The following METTL13 variants were observed in gnomAD, a reference collection of about 807,000 sequenced individuals.
METTL13 encodes the protein methyltransferase 13, eEF1A N-terminus and K55.
A neutral mutation model predicts 67.4 loss-of-function variants in METTL13; 52 were observed. That is an observed-to-expected ratio of 0.77 (90% confidence interval 0.62 to 0.97). METTL13 has a LOEUF of 0.97. Among genes scored for constraint, METTL13 ranks in the 50% least tolerant of loss-of-function variants. METTL13 has a pLI of 0.00. For missense variants in METTL13, 825 were observed against 889.6 expected (o/e 0.93, Z 0.92); for synonymous variants, 354 against 353.6 (o/e 1.00, Z -0.01).
rs555556562 is a variant in METTL13 at position 171,783,806 on chromosome 1, A to G, written c.220A>G (p.Ile74Val). 8 of 1,614,080 alleles carry G rather than the reference A, an allele frequency of 5.0e-6. No homozygotes were observed. Among genetic ancestry groups the G allele is most frequent in the Non-Finnish European group, 5.9e-6 (7 of 1,180,038 alleles). Residue 74 changes from isoleucine to valine, a missense_variant, in exon 2 of 8, where the codon ATA becomes GTA. Ile to Val is a conservative substitution (Grantham distance 29). Coordinates refer to ENST00000361735, the MANE Select transcript of METTL13 (RefSeq NM_015935.5). ...ACTGTATGATGTGGGCTATCGGGAT[A>G]TAGTGAACATCGACATCAGTGAGGT... Reference protein sequence around the residue: ...EQLYDVGYRDIVNIDISEVVI... With the variant: ...EQLYDVGYRDVVNIDISEVVI...
chr1:171,795,901 G>T (rs1182251548), intron 7 of METTL13, among the ~76,000 whole-genome samples: 1 of 152,162 alleles, frequency 6.6e-6, no homozygotes, highest in Non-Finnish European at 1.5e-5. Context: ...CCGTCACCCA[G>T]GCTGGATTTT....
intron 1 of METTL13, 90 bp downstream of exon 1, chr1:171,782,210 C>T: frequency 1.8e-6 from 2 of 1,088,274 alleles, no homozygotes; most frequent in Non-Finnish European, 2.8e-6. Flanking sequence ...CAGTGACAGG[C>T]GGGAGGACCC....
chr1:171,784,027 C>G lies in METTL13; in HGVS notation c.441C>G (p.Gly147=). 1 of 1,614,164 alleles carries G rather than the reference C, an allele frequency of 6.2e-7. No homozygotes were observed. The highest frequency in any genetic ancestry group is 8.5e-7 in the Non-Finnish European group (1 of 1,180,034). The change falls in exon 2 of 8, where the codon GGC becomes GGG. Residue 147 remains glycine, a synonymous_variant. Transcript: ENST00000361735. Reference sequence around the variant, plus strand: ...TGGACAGGATGCTGGCTGAGGTTGGCCGTGTCCTGCAGGTGGGCGGTCGCT... The same window carrying G: ...TGGACAGGATGCTGGCTGAGGTTGGGCGTGTCCTGCAGGTGGGCGGTCGCT... ...QQVDRMLAEV[G]RVLQVGGRYL...
Position 171,783,847 on chromosome 1 carries a change from G to A in METTL13, c.261G>A (p.Met87Ile), listed in dbSNP as rs1406157281. The A allele has an allele frequency of 6.2e-7, 1 of 1,614,202 alleles. No homozygotes were observed. Among genetic ancestry groups the A allele is most frequent in the Admixed American group, 1.7e-5 (1 of 60,026 alleles). The stretch of plus-strand genomic sequence containing the variant: ...TCAGTGAGGTTGTCATCAAGCAAAT[G>A]AAGGAATGTAATGCCACCCGACGGC... ...IDISEVVIKQ[M>I]KECNATRRPQ... The change falls in exon 2 of 8, where the codon ATG becomes ATA. Residue 87 changes from methionine (M) to isoleucine (I), a missense_variant. Physicochemically the swap from Met to Ile is conservative, Grantham distance 10 (BLOSUM62 1). Transcript: ENST00000361735.
rs774911920 is a variant in METTL13, at chr1:171,784,142, G to T, written c.556G>T (p.Val186Leu). 6 of 1,614,248 alleles carry T rather than the reference G, an allele frequency of 3.7e-6. No individual in the cohort carries two copies. Among genetic ancestry groups the T allele is most frequent in the Non-Finnish European group, 5.1e-6 (6 of 1,180,050 alleles). ...REGWMVRVHQVANSQDQVLEA... is the reference protein window; with the variant it reads ...REGWMVRVHQLANSQDQVLEA... The stretch of plus-strand genomic sequence containing the variant: ...GGGGTGGATGGTGAGGGTGCACCAA[G>T]TGGCCAACAGCCAGGACCAGGTGTT... The change falls in exon 2 of 8, where the codon GTG (valine) becomes TTG (leucine). Residue 186 changes from valine to leucine, a missense_variant. Val to Leu is a conservative substitution (Grantham distance 32). Coordinates refer to ENST00000361735, the MANE Select transcript of METTL13 (RefSeq NM_015935.5).
At chr1:171,786,390 C>G (rs765545924) in intron 3 of METTL13, among the ~76,000 whole-genome samples, 2 of 152,146 alleles carry the variant, frequency 1.3e-5, no homozygotes, top group African/African-American at 2.4e-5. Flanking sequence ...GTGGATTTCT[C>G]CTTCCACACT....
rs971570570 is a variant in METTL13 at position 171,781,677 on chromosome 1, G to A, written c.-291G>A. 1.1e-6 allele frequency: 1 copy of A among 902,932 alleles called. No homozygotes were observed. 55.9% of individuals were successfully genotyped at this position (902,932 alleles called of 1,614,324 possible). A position where few individuals can be genotyped will look rare whatever the true frequency, so the allele number is the denominator to read the frequency against. On this transcript the variant is annotated 5_prime_UTR_variant, in exon 1 of 8. Transcript: ENST00000361735. ...GGCTTCGCACCCGGATATGGTTATG[G>A]GCTCGGAAATCTAGTTCGGGAAAAG...
intron 2 of METTL13, among the ~76,000 whole-genome samples, chr1:171,784,966 TAGGGTAGC>T (rs1656963134): frequency 6.6e-6 from 1 of 152,180 alleles, no homozygotes; most frequent in Admixed American, 6.5e-5. Flanking sequence ...AGAGGCAGCA[TAGGGTAGC>T]AGCTAAAAAA....
intron 3 of METTL13, among the ~76,000 whole-genome samples, chr1:171,787,143 G>C (rs1657044286): frequency 6.6e-6 from 1 of 152,060 alleles, no homozygotes; most frequent in South Asian, 2.1e-4. Context: ...AGTCTGCAGG[G>C]TCAGGAGATA....
In METTL13 at chr1:171,784,472, C is replaced by A; in HGVS notation, c.886C>A (p.Arg296=). The change falls in exon 2 of 8, where the codon CGG becomes AGG. Residue 296 remains arginine, a synonymous_variant. Transcript: ENST00000361735. Reference sequence around the variant, plus strand: ...GGACAGCCCCACTGTGAAACCATCGCGGGACAATCATTTTGCGATTTTCAT... The same window carrying A: ...GGACAGCCCCACTGTGAAACCATCGAGGGACAATCATTTTGCGATTTTCAT... ...VVDSPTVKPS[R]DNHFAIFIIP... The A allele has an allele frequency of 6.6e-7, 1 of 1,504,034 alleles. No homozygotes were observed. The highest frequency in any genetic ancestry group is 8.9e-7 in the Non-Finnish European group (1 of 1,127,504). The allele number at this position is 1,504,034 out of a possible 1,614,324, so 93.2% of individuals were successfully genotyped here. A position where few individuals can be genotyped will look rare whatever the true frequency, so the allele number is the denominator to read the frequency against.
rs921117131 is a variant in METTL13, at chr1:171,781,741, C to T, written c.-227C>T. ...TCACGTGGGGAAGGAACAGCAGGCGCGGAGGAGGGGGCAAGCGTGTGTGAG... is the reference window on the plus strand; with the variant it reads ...TCACGTGGGGAAGGAACAGCAGGCGTGGAGGAGGGGGCAAGCGTGTGTGAG... On this transcript the variant is annotated 5_prime_UTR_variant, in exon 1 of 8. Transcript: ENST00000361735. 1.5e-6 allele frequency: 2 copies of T among 1,329,602 alleles called. No individual in the cohort carries two copies. The highest frequency in any genetic ancestry group is 1.9e-6 in the Non-Finnish European group (2 of 1,034,102). 82.4% of individuals were successfully genotyped at this position (1,329,602 alleles called of 1,614,324 possible).
intron 1 of METTL13, among the ~76,000 whole-genome samples, chr1:171,783,536 G>C (rs1358352256): frequency 6.6e-6 from 1 of 152,212 alleles, no homozygotes; most frequent in Non-Finnish European, 1.5e-5. Flanking sequence ...TATTGTAGCT[G>C]AATGTGGTTT....
At chr1:171,789,780 C>G (rs1487450128) in intron 4 of METTL13, among the ~76,000 whole-genome samples, 2 of 138,514 alleles carry the variant, frequency 1.4e-5, no homozygotes, top group African/African-American at 5.5e-5. Context: ...TTGCCATTTC[C>G]TTTTCCAGCT....
intron 5 of METTL13, 78 bp from the exon 6 acceptor site, chr1:171,791,939 C>T: frequency 6.8e-7 from 1 of 1,469,992 alleles, no homozygotes; most frequent in Non-Finnish European, 9.5e-7. Context: ...GCTGACTTTC[C>T]CTTTTGCCTT....
intron 6 of METTL13, among the ~76,000 whole-genome samples, chr1:171,793,257 C>A (rs1052096347): frequency 1.3e-5 from 2 of 152,236 alleles, no homozygotes; most frequent in African/African-American, 4.8e-5. Flanking sequence ...GTAACAGTTT[C>A]GTAGGTTCCC....
At chr1:171,793,934 AC>A (rs1229678898) in intron 6 of METTL13, among the ~76,000 whole-genome samples, 3 of 152,224 alleles carry the variant, frequency 2.0e-5, no homozygotes, top group African/African-American at 7.2e-5. Flanking sequence ...ATTTAGAATT[AC>A]CTGGAAAGCT....
At position 171,784,404 on chromosome 1, in the gene METTL13, G is replaced by T; in HGVS notation, c.818G>T (p.Cys273Phe). The change falls in exon 2 of 8, where the codon TGC (cysteine) becomes TTC (phenylalanine). Residue 273 changes from cysteine to phenylalanine, a missense_variant. Coordinates refer to ENST00000361735, the MANE Select transcript of METTL13 (RefSeq NM_015935.5). The part of the protein sequence containing the change: ...ARLGSVSLDL[C>F]DGDTGEPRYT... The stretch of plus-strand genomic sequence containing the variant: ...CTGGGGAGTGTGTCTCTGGACTTGT[G>T]CGATGGGGACACGGGGGAGCCACGC... The T allele has an allele frequency of 6.4e-7, 1 of 1,555,132 alleles. No homozygotes were observed. Among genetic ancestry groups the T allele is most frequent in the Non-Finnish European group, 8.7e-7 (1 of 1,151,636 alleles).
Position 171,792,184 on chromosome 1 carries a change from C to T in METTL13, c.1642C>T (p.His548Tyr). The T allele has an allele frequency of 6.2e-7, 1 of 1,614,206 alleles. No individual in the cohort carries two copies. Among genetic ancestry groups the T allele is most frequent in the Admixed American group, 1.7e-5 (1 of 60,030 alleles). Residue 548 changes from histidine (H) to tyrosine (Y), a missense_variant, in exon 6 of 8, where the codon CAC (histidine) becomes TAC (tyrosine). By Grantham distance (83) the His-to-Tyr change is moderately conservative (BLOSUM62 2). Transcript: ENST00000361735. ...GFSQSDRMKVHIADGLDYIAS... is the reference protein window; with the variant it reads ...GFSQSDRMKVYIADGLDYIAS... The stretch of plus-strand genomic sequence containing the variant: ...CTCCCAGAGTGACCGAATGAAGGTC[C>T]ACATTGCAGATGGCCTGGACTATAT...
At position 171,781,721 on chromosome 1, in the gene METTL13, T is replaced by C; in HGVS notation, c.-247T>C. On this transcript the variant is annotated 5_prime_UTR_variant, in exon 1 of 8. Transcript: ENST00000361735. The stretch of plus-strand genomic sequence containing the variant: ...GGAAAAGTGTGAGGGGCTCTTCACG[T>C]GGGGAAGGAACAGCAGGCGCGGAGG... 1 of 1,250,640 alleles carries C rather than the reference T, an allele frequency of 8.0e-7. No individual in the cohort carries two copies. Among genetic ancestry groups the C allele is most frequent in the South Asian group, 1.8e-5 (1 of 54,064 alleles). The allele number at this position is 1,250,640 out of a possible 1,614,324, so 77.5% of individuals were successfully genotyped here.
Sources: gnomAD v4.1 joint callset for allele counts (sites outside exome capture counted in the v4.1 genomes callset) on GRCh38, gnomAD v4.1.1 for gene constraint, MANE v1.5 for transcripts, NCBI Gene and HGNC (gene_info 2026-07-23, HGNC 2026-07-21) for gene names.